EBF1: variants seen among roughly 807,000 people sequenced by gnomAD.
EBF1 encodes EBF transcription factor 1.
A neutral mutation model predicts 68.4 loss-of-function variants in EBF1; 10 were observed. The observed-to-expected ratio is 0.15, with a 90% CI of 0.09 to 0.25. The LOEUF (loss-of-function observed/expected upper bound fraction) is 0.25, where lower values mean the gene tolerates loss of function less well. EBF1 is among the 10% of genes least tolerant of loss of function. The pLI is 1.00. For synonymous variants in EBF1, 298 were observed against 299.8 expected, an observed-to-expected ratio of 0.99 and a Z score of 0.06; for missense variants, 509 against 794.4, an observed-to-expected ratio of 0.64 and a Z score of 4.32.
intron 7 of EBF1, among the ~76,000 whole-genome samples, chr5:158,837,645 T>C (rs1233971971): frequency 6.6e-6 from 1 of 152,216 alleles, no homozygotes; most frequent in Non-Finnish European, 1.5e-5. Flanking sequence ...ATAGACTAAA[T>C]TGGTTTCTCA....
chr5:158,988,918 G>A lies in EBF1; in HGVS notation c.554+84478C>T, dbSNP rs1759696650. On this transcript the variant is annotated intron_variant, in intron 6 of 15. Transcript: ENST00000313708. ...CCTTCACTCTTTGCCTCATTCAGCA[G>A]CTGGTATCTCCAGTTGAATTAGTTC... Among the ~76,000 whole-genome samples the A allele has an allele frequency of 2.6e-5, 4 of 152,202 alleles. No individual in the cohort carries two copies. In the South Asian group the frequency reaches 8.3e-4, roughly 32 times the overall value.
intron 5 of EBF1, among the ~76,000 whole-genome samples, chr5:159,074,652 G>A (rs1380630173): frequency 6.6e-6 from 1 of 152,190 alleles, no homozygotes; most frequent in East Asian, 1.9e-4. Context: ...ACCAAAATTG[G>A]AAAGTCTCTT....
intron 6 of EBF1, among the ~76,000 whole-genome samples, chr5:158,900,443 G>A (rs557025212): frequency 6.6e-6 from 1 of 152,350 alleles, no homozygotes; most frequent in South Asian, 2.1e-4. Flanking sequence ...TGTCATCGGA[G>A]ATGGAGGAGG....
intron 6 of EBF1, among the ~76,000 whole-genome samples, chr5:158,881,316 A>G (rs2128089237): frequency 6.6e-6 from 1 of 152,322 alleles, no homozygotes; most frequent in South Asian, 2.1e-4. Context: ...TGTCAAGTTT[A>G]TGTGAACTGC....
At position 158,793,323 on chromosome 5, in the gene EBF1, T is replaced by C. The variant is rs184315419; in HGVS notation, c.909+3022A>G. Among the ~76,000 whole-genome samples the C allele has an allele frequency of 1.1e-4, 16 of 152,314 alleles. No individual in the cohort carries two copies. In the East Asian group the frequency reaches 3.1e-3, roughly 29 times the overall value. Reference sequence around the variant, plus strand: ...CTGATCAAATTCTGATTCTGTACAATGCAAGCCTTGACAAATGGCCTCAAA... The same window carrying C: ...CTGATCAAATTCTGATTCTGTACAACGCAAGCCTTGACAAATGGCCTCAAA... On this transcript the variant is annotated intron_variant, in intron 9 of 15. Coordinates refer to ENST00000313708, the MANE Select transcript of EBF1 (RefSeq NM_024007.5).
chr5:158,786,270 G>A (rs900548605), intron 9 of EBF1, among the ~76,000 whole-genome samples: 2 of 151,976 alleles, frequency 1.3e-5, no homozygotes, highest in African/African-American at 4.8e-5. Flanking sequence ...ACCAGGTCCC[G>A]AAATCAATGC....
intron 6 of EBF1, among the ~76,000 whole-genome samples, chr5:158,936,249 A>T (rs1200483802): frequency 2.0e-5 from 3 of 152,148 alleles, no homozygotes; most frequent in Non-Finnish European, 4.4e-5. Context: ...TCAGTTTCCC[A>T]TCTCAGCTGA....
chr5:158,922,279 C>T (rs1021507067), intron 6 of EBF1, among the ~76,000 whole-genome samples: 2 of 152,180 alleles, frequency 1.3e-5, no homozygotes, highest in Non-Finnish European at 2.9e-5. Flanking sequence ...AACTTTCTAC[C>T]CAGTATCCTC....
intron 5 of EBF1, among the ~76,000 whole-genome samples, chr5:159,078,742 C>T (rs1779241133): frequency 6.6e-6 from 1 of 152,214 alleles, no homozygotes; most frequent in Admixed American, 6.5e-5. Flanking sequence ...GGTGTGGTAC[C>T]TACACTACGG....
intron 6 of EBF1, among the ~76,000 whole-genome samples, chr5:159,004,965 G>A (rs982959868): frequency 1.3e-5 from 2 of 152,168 alleles, no homozygotes; most frequent in Non-Finnish European, 2.9e-5. Context: ...CCAGTTGTGA[G>A]GAATGGAGAA....
chr5:158,702,699 G>A (rs562162437), intron 15 of EBF1, among the ~76,000 whole-genome samples: 29 of 123,812 alleles, frequency 2.3e-4, no homozygotes, highest in Non-Finnish European at 3.9e-4. Context: ...AGCCGAGATC[G>A]CGCCACTGCA....
intron 6 of EBF1, among the ~76,000 whole-genome samples, chr5:158,898,744 T>C (rs998778248): frequency 6.6e-6 from 1 of 152,216 alleles, no homozygotes; most frequent in Admixed American, 6.5e-5. Flanking sequence ...GGAACCTCGC[T>C]TTTTTATTGC....
At chr5:158,699,693 G>C (rs764490688) in intron 15 of EBF1, among the ~76,000 whole-genome samples, 8 of 152,176 alleles carry the variant, frequency 5.3e-5, no homozygotes, top group Admixed American at 2.0e-4. Flanking sequence ...AGCAGGCCTT[G>C]TTCACTGGGA....
intron 6 of EBF1, among the ~76,000 whole-genome samples, chr5:159,054,731 G>A (rs1181443173): frequency 6.6e-6 from 1 of 152,222 alleles, no homozygotes; most frequent in African/African-American, 2.4e-5. Context: ...GCAACTTAGT[G>A]TAGATTCTCT....
chr5:158,832,158 A>G (rs972422768), intron 7 of EBF1, among the ~76,000 whole-genome samples: 3 of 152,218 alleles, frequency 2.0e-5, no homozygotes, highest in Non-Finnish European at 4.4e-5. Flanking sequence ...CAAACCAAAC[A>G]CTTTTACATT....
rs541312434 is a variant in EBF1 at position 158,839,676 on chromosome 5, C to T, written c.636+353G>A. Among the ~76,000 whole-genome samples the T allele has an allele frequency of 3.3e-5, 5 of 152,342 alleles. No homozygotes were observed. The South Asian group carries it at 8.3e-4, about 25-fold the overall frequency. ...GGGATTACAGGCATGAGCCACTGCGCTCAGCCTCTTTACTCTTATTTACTG... is the reference window on the plus strand; with the variant it reads ...GGGATTACAGGCATGAGCCACTGCGTTCAGCCTCTTTACTCTTATTTACTG... On this transcript the variant is annotated intron_variant, in intron 7 of 15. Transcript: ENST00000313708.
intron 6 of EBF1, among the ~76,000 whole-genome samples, chr5:158,843,341 G>T (rs1243868452): frequency 6.6e-6 from 1 of 152,192 alleles, no homozygotes; most frequent in Admixed American, 6.5e-5. Context: ...TTGAAAGACA[G>T]GCAAACAGGA....
chr5:158,815,526 A>G (rs572830975), intron 8 of EBF1, among the ~76,000 whole-genome samples: 2 of 152,334 alleles, frequency 1.3e-5, no homozygotes, highest in East Asian at 3.9e-4. Flanking sequence ...GTTTAAAAAA[A>G]CAACAATAGT....
chr5:158,706,281 G>C (rs1200979103), intron 15 of EBF1, among the ~76,000 whole-genome samples: 2 of 149,562 alleles, frequency 1.3e-5, no homozygotes, highest in Non-Finnish European at 3.0e-5. Flanking sequence ...GTGGGGCGCT[G>C]AGTCTGGGCT....
Sources: allele counts gnomAD v4.1 joint callset (sites outside exome capture counted in the v4.1 genomes callset), GRCh38; gene constraint gnomAD v4.1.1; transcripts MANE v1.5; gene names NCBI Gene and HGNC (gene_info 2026-07-23, HGNC 2026-07-21).